The following PTPRR variants were observed in gnomAD, a reference collection of about 807,000 sequenced individuals.
PTPRR encodes protein tyrosine phosphatase receptor type R.
Under a neutral mutation model 77.2 loss-of-function variants are expected in PTPRR, and 38 were observed. The observed-to-expected ratio is 0.49, with a 90% CI of 0.38 to 0.65. PTPRR has a LOEUF of 0.65. PTPRR is among the 30% of genes least tolerant of loss of function. The pLI, the probability that PTPRR is intolerant of heterozygous loss-of-function variation, is 0.00. For missense variants in PTPRR, 744 were observed against 799.2 expected (o/e 0.93, Z 0.83); for synonymous variants, 299 against 283.1 (o/e 1.06, Z -0.57).
intron 2 of PTPRR, among the ~76,000 whole-genome samples, chr12:70,797,105 T>C (rs548234775): frequency 7.7e-4 from 117 of 152,344 alleles, no homozygotes; most frequent in Non-Finnish European, 1.4e-3. Flanking sequence ...CTTTTGACTA[T>C]GCTTTGCTCT....
chr12:70,820,898 T>C (rs1178695788), intron 2 of PTPRR, among the ~76,000 whole-genome samples: 1 of 152,204 alleles, frequency 6.6e-6, no homozygotes, highest in Admixed American at 6.5e-5. Context: ...TCACTCTCCT[T>C]GCTGGGTATA....
At position 70,746,100 on chromosome 12, in the gene PTPRR, T is replaced by G; in HGVS notation, c.739-14A>C. ...TCTGTAAAGAATCTATAGAAGGAGA[T>G]ATAAAAAACTCCTGTCACATTTTCT... On this transcript the variant is annotated splice_polypyrimidine_tract_variant and intron_variant, in intron 5 of 13. Transcript: ENST00000283228. 6.3e-7 allele frequency: 1 copy of G among 1,599,496 alleles called. No individual in the cohort carries two copies. The highest frequency in any genetic ancestry group is 1.1e-5 in the South Asian group (1 of 89,392).
intron 5 of PTPRR, among the ~76,000 whole-genome samples, chr12:70,751,801 T>C (rs549602834): frequency 4.6e-5 from 7 of 152,204 alleles, no homozygotes; most frequent in African/African-American, 1.7e-4. Context: ...ACATCTTGCA[T>C]TGGTGTGATT....
intron 2 of PTPRR, among the ~76,000 whole-genome samples, chr12:70,800,810 G>T (rs1002295793): frequency 6.6e-6 from 1 of 151,728 alleles, no homozygotes; most frequent in Non-Finnish European, 1.5e-5. Flanking sequence ...CAGGAGAATC[G>T]CTTGAACCCG....
At chr12:70,640,369 C>T (rs1009290283) in intron 13 of PTPRR, among the ~76,000 whole-genome samples, 2 of 151,928 alleles carry the variant, frequency 1.3e-5, no homozygotes, top group African/African-American at 4.8e-5. Flanking sequence ...AGAGACAAGG[C>T]CTCACTATGT....
At chr12:70,783,017 T>C (rs143590278) in intron 2 of PTPRR, among the ~76,000 whole-genome samples, 43 of 152,214 alleles carry the variant, frequency 2.8e-4, no homozygotes, top group Middle Eastern at 3.4e-3. Flanking sequence ...ATCCCTTTCA[T>C]AGTCTTTAAT....
intron 2 of PTPRR, among the ~76,000 whole-genome samples, chr12:70,766,486 C>A (rs1042984020): frequency 2.0e-5 from 3 of 152,120 alleles, no homozygotes; most frequent in African/African-American, 7.2e-5. Flanking sequence ...AAGAAGTGAA[C>A]AAAGCCTCCA....
chr12:70,671,044 G>T (rs1887203060), intron 10 of PTPRR, among the ~76,000 whole-genome samples: 1 of 152,284 alleles, frequency 6.6e-6, no homozygotes, highest in South Asian at 2.1e-4. Flanking sequence ...AAACTATAAA[G>T]CCTGGGAATT....
At chr12:70,785,714 C>T (rs897246112) in intron 2 of PTPRR, among the ~76,000 whole-genome samples, 3 of 152,066 alleles carry the variant, frequency 2.0e-5, no homozygotes, top group African/African-American at 7.2e-5. Flanking sequence ...AAGTTACAGA[C>T]AGGTCTATGG....
chr12:70,848,657 G>C (rs1892524760), intron 2 of PTPRR, among the ~76,000 whole-genome samples: 1 of 152,114 alleles, frequency 6.6e-6, no homozygotes. Context: ...GATCAGATTA[G>C]AGAATTATCT....
intron 2 of PTPRR, among the ~76,000 whole-genome samples, chr12:70,869,174 T>TA (rs1167282543): frequency 2.6e-5 from 4 of 151,938 alleles, no homozygotes; most frequent in Non-Finnish European, 5.9e-5. Context: ...CCCTAAAACT[T>TA]AAAGTATAAT....
chr12:70,646,082 T>C (rs1886188611), intron 13 of PTPRR, among the ~76,000 whole-genome samples: 1 of 152,184 alleles, frequency 6.6e-6, no homozygotes, highest in Non-Finnish European at 1.5e-5. Flanking sequence ...CTCCTTTGCT[T>C]TTTATTATTT....
chr12:70,672,709 C>T, intron 10 of PTPRR: 1 of 1,545,172 alleles, frequency 6.5e-7, no homozygotes, highest in Non-Finnish European at 8.8e-7. Flanking sequence ...GTGGGTCTCC[C>T]AGTTTGTCAC....
At chr12:70,853,836 C>A (rs189747701) in intron 2 of PTPRR, among the ~76,000 whole-genome samples, 451 of 152,288 alleles carry the variant, frequency 3.0e-3, no homozygotes, top group Non-Finnish European at 4.7e-3. Flanking sequence ...TACTATAGAT[C>A]AATAAGTGGG....
chr12:70,791,945 C>T lies in PTPRR; in HGVS notation c.358-27167G>A, dbSNP rs1210208230. Among the ~76,000 whole-genome samples, 3 of 152,172 alleles carry T rather than the reference C, an allele frequency of 2.0e-5. No homozygotes were observed. In the East Asian group the frequency reaches 5.8e-4, roughly 29 times the overall value. On this transcript the variant is annotated intron_variant, in intron 2 of 13. Coordinates refer to ENST00000283228, the MANE Select transcript of PTPRR (RefSeq NM_002849.4). The stretch of plus-strand genomic sequence containing the variant: ...TTTGAGAAACGACTTGCTTCAACCA[C>T]ATATCTCAGAGGAAAAAAAACACAG...
At chr12:70,741,779 G>C (rs376599047) in intron 6 of PTPRR, among the ~76,000 whole-genome samples, 1 of 152,180 alleles carries the variant, frequency 6.6e-6, no homozygotes, top group Admixed American at 6.5e-5. Context: ...GGGTGCAGGT[G>C]AGACCCCTGG....
intron 2 of PTPRR, among the ~76,000 whole-genome samples, chr12:70,783,863 C>CG (rs575602200): frequency 0.011 from 602 of 56,544 alleles, 3 homozygotes; most frequent in East Asian, 0.018. Flanking sequence ...GTGGGGGGGA[C>CG]GGGGGGGGGG....
Position 70,661,089 on chromosome 12 carries a change from G to A in PTPRR, c.1617C>T (p.Ser539=). The A allele has an allele frequency of 6.2e-7, 1 of 1,608,232 alleles. No homozygotes were observed. The highest frequency in any genetic ancestry group is 1.1e-5 in the South Asian group (1 of 90,116). The change falls in exon 12 of 14, where the codon AGC becomes AGT. Residue 539 remains serine (S), a synonymous_variant. Transcript: ENST00000283228. ...TIRNLVLKQG[S]HTQHVKHYWY... is the part of the protein sequence containing the mutation. ...AGTAATGCTTCACATGTTGGGTGTG[G>A]CTTCCTTGCTGAAAATAGCAACAGC... is the stretch of plus-strand genomic sequence containing the variant.
At chr12:70,887,479 A>G (rs776954152) in intron 2 of PTPRR, among the ~76,000 whole-genome samples, 12 of 152,130 alleles carry the variant, frequency 7.9e-5, no homozygotes, top group Non-Finnish European at 1.6e-4. Context: ...AAGGTGAAGA[A>G]AAAAGTAGGA....
Sources: allele counts gnomAD v4.1 joint callset (sites outside exome capture counted in the v4.1 genomes callset), GRCh38; gene constraint gnomAD v4.1.1; transcripts MANE v1.5; gene names NCBI Gene and HGNC (gene_info 2026-07-23, HGNC 2026-07-21).